Variants in ZNF286A observed in about 807,000 individuals in gnomAD.
ZNF286A encodes zinc finger protein ZNF286.
ZNF286A carries 34 observed loss-of-function variants against 49.3 expected under a neutral mutation model. The ratio of observed to expected loss-of-function variants is 0.69; its 90% CI spans 0.52 to 0.92. The LOEUF (loss-of-function observed/expected upper bound fraction) is 0.92, where lower values mean the gene tolerates loss of function less well. ZNF286A is among the 40% of genes least tolerant of loss of function. ZNF286A has a pLI of 0.00. For synonymous variants in ZNF286A, 155 were observed against 200.4 expected (o/e 0.77, Z 1.91); for missense variants, 462 against 600.2 (o/e 0.77, Z 2.41).
rs1212997562 is a variant in ZNF286A at position 15,720,443 on chromosome 17, A to C, written c.*3153A>C. The C allele has an allele frequency of 1.4e-5, 2 of 146,740 alleles. No homozygotes were observed. The highest frequency in any genetic ancestry group is 5.1e-5 in the African/African-American group (2 of 39,134). The allele number at this position is 146,740 out of a possible 1,614,324, so 9.1% of individuals were successfully genotyped here. ...GTGACTTCTTTCTGCTCTTGCTTCCATCTGGTGCTGTTTTCTGCACAGCCT... is the reference window on the plus strand; with the variant it reads ...GTGACTTCTTTCTGCTCTTGCTTCCCTCTGGTGCTGTTTTCTGCACAGCCT... On this transcript the variant is annotated 3_prime_UTR_variant, in exon 6 of 6. Transcript: ENST00000583566.
chr17:15,704,185 G>C, intron 3 of ZNF286A: 1 of 1,346,134 alleles, frequency 7.4e-7, no homozygotes, highest in African/African-American at 1.4e-5. Flanking sequence ...GTTGGAGGGA[G>C]GGGACAGGAG....
intron 5 of ZNF286A, chr17:15,708,519 G>A (rs1420845795): frequency 7.3e-6 from 2 of 274,470 alleles, no homozygotes; most frequent in Non-Finnish European, 1.3e-5. Context: ...TTATACAGTT[G>A]GATGAATTTT....
rs1967049673 is a variant in ZNF286A, at chr17:15,716,342, T to C, written c.618T>C (p.Thr206=). ...KSFNQKSVLI[T]EDRVPKGSYA... ...TCAATCAGAAATCTGTCCTTATCAC[T>C]GAAGACAGAGTTCCCAAAGGATCTT... is the stretch of plus-strand genomic sequence containing the variant. The change falls in exon 6 of 6, where the codon ACT becomes ACC. Residue 206 remains threonine, a synonymous_variant. Coordinates refer to ENST00000583566, the MANE Select transcript of ZNF286A (RefSeq NM_001130842.2). 6.2e-7 allele frequency: 1 copy of C among 1,613,780 alleles called. No individual in the cohort carries two copies. Among genetic ancestry groups the C allele is most frequent in the African/African-American group, 1.3e-5 (1 of 74,930 alleles).
At chr17:15,714,533 A>C (rs1966926213) in intron 5 of ZNF286A, among the ~76,000 whole-genome samples, 3 of 152,154 alleles carry the variant, frequency 2.0e-5, no homozygotes, top group Admixed American at 1.3e-4. Context: ...TATTTGCATT[A>C]ATGCTCATTA....
chr17:15,710,895 T>C (rs1267534521), intron 5 of ZNF286A, among the ~76,000 whole-genome samples: 1 of 151,378 alleles, frequency 6.6e-6, no homozygotes, highest in East Asian at 1.9e-4. Context: ...AGTTTTGCTA[T>C]GCATTTTGAT....
chr17:15,707,419 G>T (rs9890181), intron 4 of ZNF286A, among the ~76,000 whole-genome samples: 68,628 of 148,508 alleles, frequency 0.46, 16,473 homozygotes, highest in East Asian at 0.64. Flanking sequence ...CAGCCTTTTT[G>T]TAAGACTCTG....
chr17:15,712,105 C>T (rs1317426219), intron 5 of ZNF286A, among the ~76,000 whole-genome samples: 2 of 152,194 alleles, frequency 1.3e-5, no homozygotes, highest in African/African-American at 4.8e-5. Flanking sequence ...GTCTCCTGAC[C>T]TCATGATCCG....
chr17:15,708,350 AT>A (rs1013929423), intron 5 of ZNF286A, 103 bp downstream of exon 5: 2 of 842,918 alleles, frequency 2.4e-6, no homozygotes, highest in Non-Finnish European at 3.3e-6. Context: ...TTATTTTTAA[AT>A]TTTTTTAAAA....
At chr17:15,711,989 G>A (rs1240660779) in intron 5 of ZNF286A, among the ~76,000 whole-genome samples, 4 of 148,248 alleles carry the variant, frequency 2.7e-5, no homozygotes, top group South Asian at 2.2e-4. Flanking sequence ...CTCCTGCCTC[G>A]GCCTCCTGAG....
chr17:15,710,248 G>T (rs1210483026), intron 5 of ZNF286A, among the ~76,000 whole-genome samples: 1 of 151,988 alleles, frequency 6.6e-6, no homozygotes, highest in African/African-American at 2.4e-5. Context: ...TTATTTTCTG[G>T]TGTGTTAGGC....
chr17:15,709,867 G>A (rs1990525272), intron 5 of ZNF286A: 12 of 1,545,908 alleles, frequency 7.8e-6, no homozygotes, highest in Non-Finnish European at 9.6e-6. Context: ...CTTGAGAGCT[G>A]GTTTAGGGAG....
chr17:15,704,927 C>CT (rs1425065381), intron 3 of ZNF286A: 1 of 1,567,516 alleles, frequency 6.4e-7, no homozygotes, highest in Non-Finnish European at 8.7e-7. Flanking sequence ...GGGCGGGTCC[C>CT]CCCGGCCCCC....
At chr17:15,711,910 T>C (rs1404404421) in intron 5 of ZNF286A, among the ~76,000 whole-genome samples, 2 of 136,114 alleles carry the variant, frequency 1.5e-5, no homozygotes, top group Non-Finnish European at 3.1e-5. Context: ...CTCGCTCTAT[T>C]GCCCAGGCTG....
chr17:15,704,315 C>G, intron 3 of ZNF286A: 1 of 1,610,542 alleles, frequency 6.2e-7, no homozygotes, highest in Admixed American at 1.7e-5. Context: ...TGCTTCTTGG[C>G]CATGGGACCC....
In ZNF286A at chr17:15,716,631, T is replaced by C. The variant is rs1244198182; in HGVS notation, c.907T>C (p.Cys303Arg). Residue 303 changes from cysteine to arginine, a missense_variant, in exon 6 of 6, where the codon TGC becomes CGC. This residue lies in a region of ZNF286A where 201 missense variants were observed against 311.3 expected (regional missense o/e 0.65). Transcript: ENST00000583566. ...TAGAATTCTCTTTGAATGCAGTGAA[T>C]GCAAGAAAACCTTCACAGAAAGCTC... ...HTRILFECSE[C>R]KKTFTESSSL... 1.9e-6 allele frequency: 3 copies of C among 1,614,008 alleles called. No individual in the cohort carries two copies. Among genetic ancestry groups the C allele is most frequent in the African/African-American group, 1.3e-5 (1 of 74,936 alleles).
chr17:15,704,936 C>G (rs574167478), intron 3 of ZNF286A: 18 of 1,547,540 alleles, frequency 1.2e-5, no homozygotes, highest in Non-Finnish European at 1.5e-5. Context: ...CCCCCGGCCC[C>G]CTTCCTGCGT....
At chr17:15,714,613 GA>G (rs1479183360) in intron 5 of ZNF286A, among the ~76,000 whole-genome samples, 1 of 152,086 alleles carries the variant, frequency 6.6e-6, no homozygotes, top group Non-Finnish European at 1.5e-5. Context: ...TAAGGAAACC[GA>G]AGTAAAGAGG....
At chr17:15,704,523 C>G in intron 3 of ZNF286A, 2 of 1,614,040 alleles carry the variant, frequency 1.2e-6, no homozygotes. Context: ...TGAGTGCAGA[C>G]TCGGGGTTAG....
At chr17:15,703,742 A>T (rs1264262935) in intron 3 of ZNF286A, among the ~76,000 whole-genome samples, 10 of 152,208 alleles carry the variant, frequency 6.6e-5, no homozygotes, top group Non-Finnish European at 1.5e-4. Context: ...CCTTTTTATA[A>T]GGGAAATTTG....
Sources: allele counts gnomAD v4.1 joint callset (sites outside exome capture counted in the v4.1 genomes callset), GRCh38; gene constraint gnomAD v4.1.1; regional missense constraint gnomAD v4.1.1; transcripts MANE v1.5; gene names NCBI Gene and HGNC (gene_info 2026-07-23, HGNC 2026-07-21).